Variants in BTRC observed in about 807,000 individuals in gnomAD.
BTRC encodes F-box/WD repeat-containing protein 1A.
Under a neutral mutation model 85.5 loss-of-function variants are expected in BTRC, and 42 were observed. That is an observed-to-expected ratio of 0.49 (90% CI 0.38 to 0.64). The LOEUF (loss-of-function observed/expected upper bound fraction) is 0.64, where lower values mean the gene tolerates loss of function less well. BTRC is among the 30% of genes least tolerant of loss of function. The pLI, the probability that BTRC is intolerant of heterozygous loss-of-function variation, is 0.00. For missense variants in BTRC, 594 were observed against 743.5 expected, an observed-to-expected ratio of 0.80 and a Z score of 2.34; for synonymous variants, 255 against 263.3, an observed-to-expected ratio of 0.97 and a Z score of 0.30.
chr10:101,377,522 A>G (rs1236141329), intron 1 of BTRC, among the ~76,000 whole-genome samples: 6 of 152,326 alleles, frequency 3.9e-5, no homozygotes, highest in East Asian at 1.9e-4. Flanking sequence ...TAGTTGATCT[A>G]CATCCGTGTC....
chr10:101,366,960 T>TTATATATTAATA lies in BTRC; in HGVS notation c.48+12738_48+12739insTTAATATATATA, dbSNP rs1480834464. ...TATTTATATATATTTATATATATAT[T>TTATATATTAATA]TATATAAATATATATTTATATATTT... On this transcript the variant is annotated intron_variant, in intron 1 of 14. Coordinates refer to ENST00000370187, the MANE Select transcript of BTRC (RefSeq NM_033637.4). Among the ~76,000 whole-genome samples, 2 of 30,352 alleles carry TTATATATTAATA rather than the reference T, an allele frequency of 6.6e-5. 1 individual carries two copies. The allele number at this position is 30,352 out of a possible 152,430, so 19.9% of individuals were successfully genotyped here.
intron 1 of BTRC, among the ~76,000 whole-genome samples, chr10:101,424,024 G>A (rs1449026699): frequency 6.6e-6 from 1 of 152,188 alleles, no homozygotes; most frequent in Non-Finnish European, 1.5e-5. Context: ...GAGTTCAGGA[G>A]TTCGAGACCA....
intron 2 of BTRC, among the ~76,000 whole-genome samples, chr10:101,443,599 A>G (rs1048170535): frequency 6.6e-6 from 1 of 152,226 alleles, no homozygotes; most frequent in African/African-American, 2.4e-5. Flanking sequence ...AGTATATAGC[A>G]TAGAAAAGTT....
At chr10:101,393,154 G>A (rs1435236678) in intron 1 of BTRC, among the ~76,000 whole-genome samples, 1 of 152,192 alleles carries the variant, frequency 6.6e-6, no homozygotes, top group Non-Finnish European at 1.5e-5. Flanking sequence ...CTTCTGGATA[G>A]CTGAACACAT....
At chr10:101,472,621 C>G (rs1466710083) in intron 3 of BTRC, among the ~76,000 whole-genome samples, 1 of 152,136 alleles carries the variant, frequency 6.6e-6, no homozygotes, top group Non-Finnish European at 1.5e-5. Flanking sequence ...TCGAGACCAG[C>G]CTGGCCAATA....
rs1554899977 is a variant in BTRC, at chr10:101,550,813, G to A, written c.1771G>A (p.Glu591Lys). The change falls in exon 14 of 15, where the codon GAA becomes AAA. Residue 591 changes from glutamate to lysine, a missense_variant. Physicochemically the swap from Glu to Lys is moderately conservative, Grantham distance 56. Transcript: ENST00000370187. ...DFLNDPAAQA[E>K]PPRSPSRTYT... Reference sequence around the variant, plus strand: ...CCTAAATGATCCAGCTGCCCAAGCTGAACCCCCCCGTTCCCCTTCTCGAAC... The same window carrying A: ...CCTAAATGATCCAGCTGCCCAAGCTAAACCCCCCCGTTCCCCTTCTCGAAC... The A allele has an allele frequency of 6.2e-7, 1 of 1,613,932 alleles. No homozygotes were observed. The highest frequency in any genetic ancestry group is 1.7e-5 in the Admixed American group (1 of 59,996).
Position 101,515,872 on chromosome 10 carries a change from G to C in BTRC, c.325-5767G>C, listed in dbSNP as rs572306845. Among the ~76,000 whole-genome samples the C allele has an allele frequency of 4.9e-4, 74 of 152,260 alleles. 1 individual carries two copies. Among genetic ancestry groups the C allele is most frequent in the South Asian group, 4.6e-3 (22 of 4,824 alleles). ...TTTTATGGTACTACAAATTGTATAGGTGGATGGTTTTCAAAAAATGTATTC... is the reference window on the plus strand; with the variant it reads ...TTTTATGGTACTACAAATTGTATAGCTGGATGGTTTTCAAAAAATGTATTC... On this transcript the variant is annotated intron_variant, in intron 4 of 14. Coordinates refer to ENST00000370187, the MANE Select transcript of BTRC (RefSeq NM_033637.4).
chr10:101,405,498 T>C (rs1293131008), intron 1 of BTRC, among the ~76,000 whole-genome samples: 1 of 152,222 alleles, frequency 6.6e-6, no homozygotes, highest in Non-Finnish European at 1.5e-5. Context: ...TAGAGGGCTT[T>C]TCCTGGAGCT....
intron 2 of BTRC, among the ~76,000 whole-genome samples, chr10:101,447,927 AAAAC>A (rs2134130490): frequency 6.6e-6 from 1 of 152,294 alleles, no homozygotes; most frequent in East Asian, 1.9e-4. Flanking sequence ...ATTTCCAAAA[AAAAC>A]CAATTTCTGC....
intron 9 of BTRC, 69 bp from the exon 10 acceptor site, chr10:101,534,592 G>T (rs917549570): frequency 1.8e-5 from 28 of 1,583,880 alleles, no homozygotes; most frequent in Non-Finnish European, 2.2e-5. Context: ...GTGGAAGGGC[G>T]CATGATGGTC....
intron 8 of BTRC, 125 bp from the exon 9 acceptor site, chr10:101,532,827 G>A: frequency 1.4e-6 from 1 of 725,546 alleles, no homozygotes; most frequent in Non-Finnish European, 2.3e-6. Flanking sequence ...TATACCTATA[G>A]AAAATGCATT....
chr10:101,408,995 A>G (rs943411398), intron 1 of BTRC, among the ~76,000 whole-genome samples: 1 of 152,074 alleles, frequency 6.6e-6, no homozygotes, highest in African/African-American at 2.4e-5. Flanking sequence ...GTTGCAGTGA[A>G]CCAAGATTGT....
chr10:101,547,328 C>CTTTTTTTT lies in BTRC; in HGVS notation c.1657-3352_1657-3345dup, dbSNP rs71016332. Among the ~76,000 whole-genome samples the CTTTTTTTT allele has an allele frequency of 2.3e-4, 18 of 79,632 alleles. 1 individual carries two copies. Among genetic ancestry groups the CTTTTTTTT allele is most frequent in the Non-Finnish European group, 3.2e-4 (13 of 41,054 alleles). 52.2% of individuals were successfully genotyped at this position (79,632 alleles called of 152,430 possible). ...ATAAATAAGTAAATATATGGTTTTT[C>CTTTTTTTT]TTTTTTTTTTTTTTTTTTTTTTTTT... On this transcript the variant is annotated intron_variant, in intron 13 of 14. Transcript: ENST00000370187.
intron 14 of BTRC, among the ~76,000 whole-genome samples, chr10:101,551,346 A>G (rs911670527): frequency 6.6e-6 from 1 of 152,186 alleles, no homozygotes; most frequent in Non-Finnish European, 1.5e-5. Context: ...TGACATATAA[A>G]TAAAAGGGCA....
At chr10:101,389,119 GTTTTTTTTTTT>G (rs1188561028) in intron 1 of BTRC, among the ~76,000 whole-genome samples, 4 of 41,556 alleles carry the variant, frequency 9.6e-5, no homozygotes, top group South Asian at 7.8e-4. Flanking sequence ...TTTTGTGTGT[GTTTTTTTTTTT>G]TTTTTTTTTT....
At chr10:101,524,620 T>C (rs2062163986) in intron 5 of BTRC, among the ~76,000 whole-genome samples, 1 of 152,178 alleles carries the variant, frequency 6.6e-6, no homozygotes, top group South Asian at 2.1e-4. Flanking sequence ...TATAGGTACA[T>C]GGTGAAATGA....
At chr10:101,536,727 A>G (rs1024170852) in intron 12 of BTRC, 74 bp downstream of exon 12, 14 of 1,098,382 alleles carry the variant, frequency 1.3e-5, no homozygotes, top group East Asian at 2.4e-5. Flanking sequence ...GGTGTTAAAC[A>G]TAACCATTCC....
At chr10:101,483,241 C>G (rs1449661451) in intron 4 of BTRC, among the ~76,000 whole-genome samples, 2 of 152,080 alleles carry the variant, frequency 1.3e-5, no homozygotes, top group Non-Finnish European at 2.9e-5. Flanking sequence ...TACAACCACC[C>G]TAAGTTGGCA....
intron 2 of BTRC, among the ~76,000 whole-genome samples, chr10:101,436,320 A>G (rs1944527670): frequency 6.6e-6 from 1 of 152,210 alleles, no homozygotes; most frequent in Non-Finnish European, 1.5e-5. Context: ...AGATATTGAA[A>G]GAGAAGAGAA....
Sources: allele counts gnomAD v4.1 joint callset (sites outside exome capture counted in the v4.1 genomes callset), GRCh38; gene constraint gnomAD v4.1.1; transcripts MANE v1.5; gene names NCBI Gene and HGNC (gene_info 2026-07-23, HGNC 2026-07-21).